The following NELL2 variants were observed in gnomAD, a reference collection of about 807,000 sequenced individuals.
The protein encoded by NELL2 is neural EGFL like 2, also known as protein kinase C-binding protein NELL2.
In NELL2, 41 loss-of-function variants were observed where a neutral mutation model predicts 109.6. The ratio of observed to expected loss-of-function variants is 0.37; its 90% CI spans 0.29 to 0.49. The LOEUF (loss-of-function observed/expected upper bound fraction) is 0.49, where lower values mean the gene tolerates loss of function less well. Among genes scored for constraint, NELL2 ranks in the 20% least tolerant of loss-of-function variants. NELL2 has a pLI of 0.98. For synonymous variants in NELL2, 355 were observed against 344.7 expected (o/e 1.03, Z -0.33); for missense variants, 900 against 1,008.3 (o/e 0.89, Z 1.45).
chr12:44,708,624 T>C (rs985479430), intron 11 of NELL2, among the ~76,000 whole-genome samples: 1 of 152,216 alleles, frequency 6.6e-6, no homozygotes, highest in South Asian at 2.1e-4. Context: ...GAGAACACGT[T>C]TATTTCACAT....
chr12:44,730,079 T>C lies in NELL2; in HGVS notation c.995-15338A>G, dbSNP rs536099996. 3.9e-5 allele frequency among the ~76,000 whole-genome samples: 6 copies of C among 152,316 alleles called. No individual in the cohort carries two copies. The South Asian group carries it at 1.2e-3, about 32-fold the overall frequency. On this transcript the variant is annotated intron_variant, in intron 9 of 19. Coordinates refer to ENST00000429094, the MANE Select transcript of NELL2 (RefSeq NM_001145108.2). ...AATTATATAAAGACAAGAGGGTTTATATACCATGAATATATGACAATTATA... is the reference window on the plus strand; with the variant it reads ...AATTATATAAAGACAAGAGGGTTTACATACCATGAATATATGACAATTATA...
intron 15 of NELL2, among the ~76,000 whole-genome samples, chr12:44,556,067 G>A (rs117798792): frequency 0.011 from 1,662 of 152,272 alleles, 25 homozygotes; most frequent in Middle Eastern, 0.02. Flanking sequence ...AGCTTCTTTT[G>A]CCTGCATAAT....
intron 15 of NELL2, among the ~76,000 whole-genome samples, chr12:44,590,146 C>T (rs1944691294): frequency 2.0e-5 from 3 of 152,038 alleles, no homozygotes; most frequent in African/African-American, 7.3e-5. Context: ...AATTATAATG[C>T]TTATAGTTGC....
chr12:44,629,217 G>A (rs1013732994), intron 13 of NELL2, among the ~76,000 whole-genome samples: 4 of 152,076 alleles, frequency 2.6e-5, no homozygotes, highest in Non-Finnish European at 5.9e-5. Flanking sequence ...TTCTAATAGA[G>A]TCCACTATAA....
chr12:44,867,666 G>A (rs1014602124), intron 2 of NELL2, among the ~76,000 whole-genome samples: 1 of 152,084 alleles, frequency 6.6e-6, no homozygotes, highest in Middle Eastern at 3.2e-3. Context: ...CATCAAAATT[G>A]GGAAGGAAGA....
At chr12:44,785,974 G>C (rs1942152369) in intron 3 of NELL2, among the ~76,000 whole-genome samples, 1 of 151,970 alleles carries the variant, frequency 6.6e-6, no homozygotes, top group South Asian at 2.1e-4. Context: ...CACGGGCAAA[G>C]ACTTCATGAC....
At chr12:44,671,222 T>C (rs540388379) in intron 12 of NELL2, among the ~76,000 whole-genome samples, 30 of 152,138 alleles carry the variant, frequency 2.0e-4, no homozygotes, top group African/African-American at 7.2e-4. Context: ...ACGAAGACAA[T>C]AAAAAGTTCT....
intron 15 of NELL2, among the ~76,000 whole-genome samples, chr12:44,585,878 T>C (rs1944475690): frequency 6.6e-6 from 1 of 151,612 alleles, no homozygotes; most frequent in Non-Finnish European, 1.5e-5. Context: ...AAAGAATTAT[T>C]GGGCTCCAGG....
Position 44,828,897 on chromosome 12 carries a change from G to T in NELL2, c.185-12761C>A, listed in dbSNP as rs567850776. On this transcript the variant is annotated intron_variant, in intron 2 of 19. Transcript: ENST00000429094. ...CTTCTAGAGTGTATTTTCCTCCAGA[G>T]ACAGTAGTAATGATCAACCACAATA... Among the ~76,000 whole-genome samples the T allele has an allele frequency of 2.6e-5, 4 of 152,232 alleles. No individual in the cohort carries two copies. In the East Asian group the frequency reaches 7.7e-4, roughly 29 times the overall value.
At chr12:44,676,690 T>C (rs1265901722) in intron 12 of NELL2, among the ~76,000 whole-genome samples, 3 of 152,092 alleles carry the variant, frequency 2.0e-5, no homozygotes, top group African/African-American at 4.8e-5. Context: ...CTTGATAGAA[T>C]ATATTATTCT....
intron 13 of NELL2, among the ~76,000 whole-genome samples, chr12:44,658,538 G>C (rs1343308042): frequency 1.3e-5 from 2 of 152,076 alleles, no homozygotes; most frequent in Admixed American, 1.3e-4. Flanking sequence ...TAGATTCAAT[G>C]CTATCTCCAT....
chr12:44,713,225 CAGAGAG>C, intron 10 of NELL2, among the ~76,000 whole-genome samples: 1 of 127,480 alleles, frequency 7.8e-6, no homozygotes, highest in Admixed American at 7.4e-5. Context: ...CAGAGAGAGA[CAGAGAG>C]AGAGAGAGAG....
At chr12:44,537,972 T>C (rs1346846630) in intron 15 of NELL2, among the ~76,000 whole-genome samples, 2 of 152,180 alleles carry the variant, frequency 1.3e-5, no homozygotes, top group African/African-American at 4.8e-5. Context: ...CAACATTGCA[T>C]ATTTAGAGAA....
chr12:44,913,443 T>G (rs1945800708), intron 1 of NELL2, among the ~76,000 whole-genome samples: 1 of 152,116 alleles, frequency 6.6e-6, no homozygotes, highest in Non-Finnish European at 1.5e-5. Flanking sequence ...AGTTCTTTAT[T>G]AAGAAAAAAG....
intron 1 of NELL2, among the ~76,000 whole-genome samples, chr12:44,893,576 G>A (rs1945560288): frequency 6.6e-6 from 1 of 152,142 alleles, no homozygotes; most frequent in African/African-American, 2.4e-5. Context: ...GGTAGAGGGA[G>A]AGTTAGTGGC....
intron 12 of NELL2, among the ~76,000 whole-genome samples, chr12:44,673,278 T>A (rs938611518): frequency 2.0e-5 from 3 of 152,360 alleles, no homozygotes; most frequent in Non-Finnish European, 4.4e-5. Flanking sequence ...AAAAGTAATC[T>A]GGTGGAAAAT....
chr12:44,652,257 C>T (rs1235386494), intron 13 of NELL2, among the ~76,000 whole-genome samples: 1 of 152,118 alleles, frequency 6.6e-6, no homozygotes. Flanking sequence ...TGTGAACTTC[C>T]TCCACATTAT....
intron 15 of NELL2, among the ~76,000 whole-genome samples, chr12:44,596,369 A>C (rs1274599720): frequency 6.6e-6 from 1 of 152,160 alleles, no homozygotes; most frequent in Non-Finnish European, 1.5e-5. Context: ...AGTCCTAGAA[A>C]TTATTCTTTT....
chr12:44,822,093 C>A (rs1378012928), intron 2 of NELL2, among the ~76,000 whole-genome samples: 1 of 151,902 alleles, frequency 6.6e-6, no homozygotes, highest in Non-Finnish European at 1.5e-5. Context: ...ATGCATTAAG[C>A]AATCTTTCAA....
Sources: allele counts gnomAD v4.1 joint callset (sites outside exome capture counted in the v4.1 genomes callset), GRCh38; gene constraint gnomAD v4.1.1; transcripts MANE v1.5; gene names NCBI Gene and HGNC (gene_info 2026-07-23, HGNC 2026-07-21).